CNOT10: variants seen among roughly 807,000 people sequenced by gnomAD.
CNOT10 encodes the protein CCR4-NOT transcription complex, subunit 10.
A neutral mutation model predicts 94.6 loss-of-function variants in CNOT10; 30 were observed. The observed-to-expected ratio is 0.32, with a 90% confidence interval of 0.24 to 0.43. The LOEUF is 0.43. Ranked by LOEUF, CNOT10 falls within the 20% of genes least tolerant of loss-of-function variation. The probability of loss-of-function intolerance (pLI) is 1.00; values close to 1 mark genes in which losing one functional copy is unlikely to be tolerated. For missense variants in CNOT10, 759 were observed against 877.2 expected, an observed-to-expected ratio of 0.87 and a Z score of 1.70; for synonymous variants, 289 against 301.6, an observed-to-expected ratio of 0.96 and a Z score of 0.43.
Position 32,716,233 on chromosome 3 carries a change from TAAC to T in CNOT10, c.591_593del (p.Asn197del), listed in dbSNP as rs1286957982. 2 of 1,579,616 alleles carry T rather than the reference TAAC, an allele frequency of 1.3e-6. No individual in the cohort carries two copies. Among genetic ancestry groups the T allele is most frequent in the East Asian group, 2.3e-5 (1 of 43,776 alleles). On this transcript the variant is annotated inframe_deletion, in exon 6 of 19. Transcript: ENST00000328834. Reference sequence around the variant, plus strand: ...GTTTCATCACCCTACAGACTGGTAATAACAACAACAAAGATGGATCTAATCATA... The same window carrying T: ...GTTTCATCACCCTACAGACTGGTAATAACAACAAAGATGGATCTAATCATA...
chr3:32,733,675 A>G (rs183319831), intron 11 of CNOT10, 131 bp downstream of exon 11: 20 of 581,094 alleles, frequency 3.4e-5, no homozygotes, highest in Non-Finnish European at 5.1e-5. Flanking sequence ...TTTTATTGCT[A>G]TTTCAACAAA....
At chr3:32,744,282 T>C (rs1331882402) in intron 13 of CNOT10, among the ~76,000 whole-genome samples, 1 of 152,160 alleles carries the variant, frequency 6.6e-6, no homozygotes, top group Non-Finnish European at 1.5e-5. Flanking sequence ...AAAATGTGAC[T>C]AGTATATAGT....
chr3:32,744,613 T>C (rs1022272120), intron 13 of CNOT10, among the ~76,000 whole-genome samples: 1 of 152,154 alleles, frequency 6.6e-6, no homozygotes, highest in African/African-American at 2.4e-5. Flanking sequence ...ATTCTCACAA[T>C]TGAAATTAAA....
chr3:32,768,456 G>A (rs1336097605), intron 17 of CNOT10, among the ~76,000 whole-genome samples: 3 of 152,098 alleles, frequency 2.0e-5, no homozygotes, highest in African/African-American at 7.2e-5. Context: ...GGTGGCAGGA[G>A]CCTGTAATCC....
intron 1 of CNOT10, among the ~76,000 whole-genome samples, chr3:32,699,650 A>G (rs1225859298): frequency 1.3e-5 from 2 of 152,126 alleles, no homozygotes; most frequent in Non-Finnish European, 2.9e-5. Flanking sequence ...GGGGCTTGTG[A>G]TGGATGAGGT....
chr3:32,700,610 G>T (rs991429753), intron 1 of CNOT10, among the ~76,000 whole-genome samples: 10 of 152,092 alleles, frequency 6.6e-5, no homozygotes, highest in Admixed American at 3.3e-4. Context: ...ACAATAACTT[G>T]AAAAAGGGTT....
chr3:32,758,456 A>C (rs1700307124), intron 13 of CNOT10, among the ~76,000 whole-genome samples: 1 of 152,216 alleles, frequency 6.6e-6, no homozygotes, highest in Non-Finnish European at 1.5e-5. Context: ...TTTTATAGGA[A>C]GAGCCATTTC....
intron 1 of CNOT10, among the ~76,000 whole-genome samples, chr3:32,692,956 G>A (rs563148335): frequency 2.0e-5 from 3 of 152,194 alleles, no homozygotes; most frequent in African/African-American, 7.2e-5. Flanking sequence ...GAGGTAGGAG[G>A]TCACTGGAGC....
rs962843290 is a variant in CNOT10, at chr3:32,764,735, G to C, written c.1930G>C (p.Val644Leu). The C allele has an allele frequency of 6.2e-7, 1 of 1,614,054 alleles. No individual in the cohort carries two copies. Among genetic ancestry groups the C allele is most frequent in the African/African-American group, 1.3e-5 (1 of 74,904 alleles). Residue 644 changes from valine (V) to leucine (L), a missense_variant, in exon 17 of 19, where the codon GTG becomes CTG. Physicochemically the swap from Val to Leu is conservative, Grantham distance 32. Transcript: ENST00000328834. ...CAGTTCCGTCAACTCTGCCAGGACT[G>C]TGATGCTGTTCAACCTTGGCAGCGC... ...YPSSVNSART[V>L]MLFNLGSAYC...
chr3:32,729,677 T>TA (rs1698844597), intron 10 of CNOT10, among the ~76,000 whole-genome samples: 2 of 152,178 alleles, frequency 1.3e-5, no homozygotes, highest in Admixed American at 1.3e-4. Flanking sequence ...TTTAATGATT[T>TA]AATTATACTT....
intron 4 of CNOT10, among the ~76,000 whole-genome samples, chr3:32,711,915 G>T (rs994930127): frequency 1.3e-5 from 2 of 152,184 alleles, no homozygotes; most frequent in Non-Finnish European, 2.9e-5. Context: ...CACACCAGCT[G>T]TGTTAATTTC....
At chr3:32,699,893 A>T (rs969438045) in intron 1 of CNOT10, among the ~76,000 whole-genome samples, 2 of 151,976 alleles carry the variant, frequency 1.3e-5, no homozygotes, top group Non-Finnish European at 2.9e-5. Flanking sequence ...AAGGTGGTCT[A>T]CTATTTCTCA....
At chr3:32,704,017 A>AAAGAT in intron 2 of CNOT10, 55 bp downstream of exon 2, 1 of 1,062,520 alleles carries the variant, frequency 9.4e-7, no homozygotes, top group Non-Finnish European at 1.4e-6. Context: ...TCAAGTATGA[A>AAAGAT]TCTTTTCATA....
intron 13 of CNOT10, among the ~76,000 whole-genome samples, chr3:32,742,353 TA>T (rs1037013671): frequency 2.6e-4 from 40 of 152,020 alleles, no homozygotes; most frequent in Admixed American, 2.2e-3. Flanking sequence ...TTTCATGTGG[TA>T]TAGCTTTTTG....
At chr3:32,687,995 T>G (rs1360510391) in intron 1 of CNOT10, among the ~76,000 whole-genome samples, 31 of 152,170 alleles carry the variant, frequency 2.0e-4, no homozygotes, top group Admixed American at 2.0e-3. Flanking sequence ...GGGTCTTGTG[T>G]GTGTGTTCTT....
intron 5 of CNOT10, among the ~76,000 whole-genome samples, chr3:32,715,364 A>G (rs967019619): frequency 6.6e-6 from 1 of 152,234 alleles, no homozygotes; most frequent in African/African-American, 2.4e-5. Flanking sequence ...CTGGCAGAGA[A>G]TATCACAAAA....
At chr3:32,710,257 A>G (rs541329409) in intron 4 of CNOT10, among the ~76,000 whole-genome samples, 1 of 149,840 alleles carries the variant, frequency 6.7e-6, no homozygotes, top group African/African-American at 2.4e-5. Flanking sequence ...CAGTATTCAC[A>G]TTCATTTTTC....
At chr3:32,717,784 TGAACCTGG>T (rs1698188991) in intron 7 of CNOT10, among the ~76,000 whole-genome samples, 2 of 152,112 alleles carry the variant, frequency 1.3e-5, no homozygotes, top group South Asian at 4.1e-4. Flanking sequence ...GAGGATCACT[TGAACCTGG>T]GAAGCAGAAG....
intron 6 of CNOT10, among the ~76,000 whole-genome samples, chr3:32,716,655 G>GT (rs1326281798): frequency 6.6e-6 from 1 of 151,944 alleles, no homozygotes; most frequent in Non-Finnish European, 1.5e-5. Flanking sequence ...TAAGTTTTTT[G>GT]TTTGTTTTTT....
Sources: gnomAD v4.1 joint callset for allele counts (sites outside exome capture counted in the v4.1 genomes callset) on GRCh38, gnomAD v4.1.1 for gene constraint, MANE v1.5 for transcripts, NCBI Gene and HGNC (gene_info 2026-07-23, HGNC 2026-07-21) for gene names.